The following PLCL1 variants were observed in gnomAD, a reference collection of about 807,000 sequenced individuals.
The protein encoded by PLCL1 is phospholipase C like 1 (inactive).
In PLCL1, 41 loss-of-function variants were observed where a neutral mutation model predicts 84.4. That is an observed-to-expected ratio of 0.49 (90% CI 0.38 to 0.63). PLCL1 has a LOEUF of 0.63. Ranked by LOEUF, PLCL1 falls within the 30% of genes least tolerant of loss-of-function variation. The pLI is 0.00. For missense variants in PLCL1, 1,206 were observed against 1,367.8 expected (o/e 0.88, Z 1.87); for synonymous variants, 490 against 488.3 (o/e 1.00, Z -0.05).
At position 198,084,841 on chromosome 2, in the gene PLCL1, G is replaced by C. The variant is rs201197388; in HGVS notation, c.1324G>C (p.Val442Leu). The C allele has an allele frequency of 6.2e-6, 10 of 1,613,894 alleles. No homozygotes were observed. The African/African-American group carries it at 1.2e-4, about 19-fold the overall frequency. ...IRALKMGCRS[V>L]ELDVSDGSDN... ...AGCTTTGAAAATGGGCTGTCGAAGC[G>C]TTGAACTCGATGTAAGTGATGGTTC... is the stretch of plus-strand genomic sequence containing the variant. The change falls in exon 2 of 6, where the codon GTT becomes CTT. Residue 442 changes from valine to leucine, a missense_variant. Transcript: ENST00000428675.
At chr2:198,047,144 A>G (rs1199294519) in intron 1 of PLCL1, among the ~76,000 whole-genome samples, 1 of 146,970 alleles carries the variant, frequency 6.8e-6, no homozygotes. Context: ...AGTATGAACC[A>G]GGAGAGATGC....
chr2:197,927,256 T>A (rs1408639475), intron 1 of PLCL1, among the ~76,000 whole-genome samples: 1 of 152,228 alleles, frequency 6.6e-6, no homozygotes. Flanking sequence ...CTTTGTGATG[T>A]AATCAGAGGG....
chr2:197,977,094 T>A (rs1194547662), intron 1 of PLCL1, among the ~76,000 whole-genome samples: 1 of 152,214 alleles, frequency 6.6e-6, no homozygotes, highest in East Asian at 1.9e-4. Flanking sequence ...GGTATCACCA[T>A]CTGATTTCTC....
intron 1 of PLCL1, among the ~76,000 whole-genome samples, chr2:197,931,008 T>C (rs1366610959): frequency 6.6e-6 from 1 of 152,088 alleles, no homozygotes; most frequent in African/African-American, 2.4e-5. Context: ...CAGAAGGTCA[T>C]GAGGGAGGGG....
Position 197,984,474 on chromosome 2 carries a change from A to G in PLCL1, c.241-99284A>G, listed in dbSNP as rs574464225. On this transcript the variant is annotated intron_variant, in intron 1 of 5. Coordinates refer to ENST00000428675, the MANE Select transcript of PLCL1 (RefSeq NM_006226.4). ...AACATTTTCAGTATTAAGAAAATAC[A>G]TTAAAAATAACCCATTTAAATATGC... 1.0e-3 allele frequency among the ~76,000 whole-genome samples: 155 copies of G among 152,358 alleles called. 1 individual carries two copies. The highest frequency in any genetic ancestry group is 3.7e-3 in the African/African-American group (152 of 41,592).
chr2:197,865,645 G>A (rs1342374729), intron 1 of PLCL1, among the ~76,000 whole-genome samples: 1 of 152,072 alleles, frequency 6.6e-6, no homozygotes, highest in Non-Finnish European at 1.5e-5. Flanking sequence ...ATGCTAATTA[G>A]CACGTTAAGT....
chr2:198,146,363 A>G (rs753833128), intron 5 of PLCL1, among the ~76,000 whole-genome samples: 1 of 152,060 alleles, frequency 6.6e-6, no homozygotes, highest in Non-Finnish European at 1.5e-5. Flanking sequence ...AGAGGGGGAG[A>G]TTTTATTTTC....
intron 1 of PLCL1, among the ~76,000 whole-genome samples, chr2:197,976,912 T>C (rs1689993269): frequency 1.3e-5 from 2 of 152,214 alleles, no homozygotes; most frequent in Admixed American, 1.3e-4. Context: ...TTGGCTTTAT[T>C]CTCAGTGTAA....
At chr2:198,071,129 C>G (rs1463805367) in intron 1 of PLCL1, 1 of 168,784 alleles carries the variant, frequency 5.9e-6, no homozygotes, top group Non-Finnish European at 1.1e-5. Context: ...CACACACACA[C>G]ACACACACAA....
At chr2:197,873,295 G>A (rs10192466) in intron 1 of PLCL1, among the ~76,000 whole-genome samples, 77,297 of 151,568 alleles carry the variant, frequency 0.51, 20,493 homozygotes, top group African/African-American at 0.64. Flanking sequence ...CTGCAGGCAC[G>A]GAGTGCTCTT....
At chr2:197,922,958 C>T (rs866949704) in intron 1 of PLCL1, among the ~76,000 whole-genome samples, 1 of 115,274 alleles carries the variant, frequency 8.7e-6, no homozygotes, top group Admixed American at 8.4e-5. Context: ...GGGGGCTGAC[C>T]CCCCCACCTC....
chr2:198,023,296 C>T (rs1691182941), intron 1 of PLCL1, among the ~76,000 whole-genome samples: 1 of 152,144 alleles, frequency 6.6e-6, no homozygotes, highest in Non-Finnish European at 1.5e-5. Flanking sequence ...CATAAAAACC[C>T]TAGAAGAAAA....
At chr2:198,076,166 G>T (rs1302115908) in intron 1 of PLCL1, among the ~76,000 whole-genome samples, 1 of 114,578 alleles carries the variant, frequency 8.7e-6, no homozygotes, top group African/African-American at 3.7e-5. Context: ...CTCTGAAATG[G>T]ACTCTTTTTT....
chr2:197,951,820 T>C (rs1035618175), intron 1 of PLCL1, among the ~76,000 whole-genome samples: 2 of 152,110 alleles, frequency 1.3e-5, no homozygotes, highest in Non-Finnish European at 2.9e-5. Flanking sequence ...AACTGGTTGC[T>C]TGTGGGACGT....
intron 1 of PLCL1, among the ~76,000 whole-genome samples, chr2:197,977,942 G>T (rs936129408): frequency 1.3e-5 from 2 of 152,188 alleles, no homozygotes; most frequent in Non-Finnish European, 2.9e-5. Flanking sequence ...CTCTGCAAGT[G>T]AAATTACTGC....
chr2:198,080,160 A>G (rs1366976000), intron 1 of PLCL1, among the ~76,000 whole-genome samples: 1 of 152,218 alleles, frequency 6.6e-6, no homozygotes, highest in Non-Finnish European at 1.5e-5. Context: ...GCACACCTGA[A>G]CTGATAATAA....
chr2:197,837,642 G>A (rs1223937602), intron 1 of PLCL1, among the ~76,000 whole-genome samples: 3 of 152,228 alleles, frequency 2.0e-5, no homozygotes, highest in Admixed American at 6.5e-5. Context: ...AAGGCATCTA[G>A]TTATGACTGG....
intron 1 of PLCL1, among the ~76,000 whole-genome samples, chr2:197,907,529 G>A (rs1688409725): frequency 6.6e-6 from 1 of 152,134 alleles, no homozygotes; most frequent in Non-Finnish European, 1.5e-5. Context: ...TGAAAAGTTT[G>A]AGCTGATCCA....
rs1694577557 is a variant in PLCL1, at chr2:198,148,396, T to C, written c.*1434T>C. Reference sequence around the variant, plus strand: ...GCACATTACTGAAAGAGTAAAGATATGAAAAAAACACTTATTGTTTTCTTT... The same window carrying C: ...GCACATTACTGAAAGAGTAAAGATACGAAAAAAACACTTATTGTTTTCTTT... On this transcript the variant is annotated 3_prime_UTR_variant, in exon 6 of 6. Transcript: ENST00000428675. The C allele has an allele frequency of 1.3e-5, 2 of 152,246 alleles. No individual in the cohort carries two copies. Among genetic ancestry groups the C allele is most frequent in the East Asian group, 1.9e-4 (1 of 5,324 alleles). The allele number at this position is 152,246 out of a possible 1,614,324, so 9.4% of individuals were successfully genotyped here. A position where few individuals can be genotyped will look rare whatever the true frequency, so the allele number is the denominator to read the frequency against.
Sources: allele counts gnomAD v4.1 joint callset (sites outside exome capture counted in the v4.1 genomes callset), GRCh38; gene constraint gnomAD v4.1.1; transcripts MANE v1.5; gene names NCBI Gene and HGNC (gene_info 2026-07-23, HGNC 2026-07-21).